Variants in TRMT11 observed in about 807,000 individuals in gnomAD.
The protein encoded by TRMT11 is tRNA (guanine(10)-N(2))-methyltransferase TRMT11.
A neutral mutation model predicts 62.8 loss-of-function variants in TRMT11; 53 were observed. The observed-to-expected ratio is 0.84, with a 90% CI of 0.68 to 1.06. TRMT11 has a LOEUF of 1.06. Ranked by LOEUF, TRMT11 falls within the 50% of genes least tolerant of loss-of-function variation. The pLI is 0.00. For missense variants in TRMT11, 556 were observed against 553.4 expected (o/e 1.00, Z -0.05); for synonymous variants, 188 against 190.3 (o/e 0.99, Z 0.10).
At chr6:126,112,005 G>C (rs539275173) in intron 17 of TRMT11, among the ~76,000 whole-genome samples, 2 of 152,052 alleles carry the variant, frequency 1.3e-5, no homozygotes, top group African/African-American at 4.8e-5. Context: ...CTCCATTTCT[G>C]TCTCTTCTAA....
chr6:126,068,712 C>T (rs1010511028), intron 17 of TRMT11, among the ~76,000 whole-genome samples: 1 of 152,196 alleles, frequency 6.6e-6, no homozygotes, highest in East Asian at 1.9e-4. Context: ...CCTTTTCATT[C>T]AAGAGCGTAT....
the TRMT11 span, among the ~76,000 whole-genome samples, chr6:126,241,290 G>A: frequency 1.3e-5 from 2 of 152,118 alleles, no homozygotes; most frequent in Non-Finnish European, 2.9e-5. Context: ...TGTCGCTCAC[G>A]CTGGGAGCTG....
chr6:126,221,673 A>T, the TRMT11 span, among the ~76,000 whole-genome samples: 2 of 152,184 alleles, frequency 1.3e-5, no homozygotes, highest in East Asian at 3.8e-4. Context: ...ATAGTTTGCA[A>T]GTATTTTCTC....
intron 1 of TRMT11, among the ~76,000 whole-genome samples, chr6:125,991,840 AT>A (rs1790684805): frequency 6.6e-6 from 1 of 152,216 alleles, no homozygotes; most frequent in East Asian, 1.9e-4. Flanking sequence ...TGTAGTACTT[AT>A]TGTACTAAAT....
At chr6:126,002,419 T>TTA (rs964585738) in intron 7 of TRMT11, among the ~76,000 whole-genome samples, 5 of 152,140 alleles carry the variant, frequency 3.3e-5, no homozygotes, top group Non-Finnish European at 7.4e-5. Flanking sequence ...ATCAACACAT[T>TTA]TACTCTTTTC....
rs530414394 is a variant in TRMT11, at chr6:126,155,408, A to G, written c.*1824-19417A>G. Reference sequence around the variant, plus strand: ...TTTAACATGAGATCTGGAGGGGACAAACATCCAAACTATATCATTCTGCCT... The same window carrying G: ...TTTAACATGAGATCTGGAGGGGACAGACATCCAAACTATATCATTCTGCCT... On this transcript the variant is annotated intron_variant and NMD_transcript_variant, in intron 21 of 22. Transcript: ENST00000648977. Among the ~76,000 whole-genome samples the G allele has an allele frequency of 1.7e-3, 254 of 152,282 alleles. 3 individuals are homozygous for G. The highest frequency in any genetic ancestry group is 2.3e-3 in the Non-Finnish European group (159 of 68,010).
chr6:126,203,919 TTGTGTG>T (rs71680476), downstream of TRMT11, among the ~76,000 whole-genome samples: 24 of 144,490 alleles, frequency 1.7e-4, no homozygotes, highest in African/African-American at 3.3e-4. Flanking sequence ...GATCATCATT[TTGTGTG>T]TGTGTGTGTG....
rs185587270 is a variant in TRMT11 at position 126,112,385 on chromosome 6, T to C, written c.*1438-481T>C. ...TCAACTGTTTGGATCTTTGGATCCA[T>C]AAATTATTTCTGTCTTTTCTTTTTT... On this transcript the variant is annotated intron_variant and NMD_transcript_variant, in intron 17 of 22. Transcript: ENST00000648977. 3.7e-3 allele frequency among the ~76,000 whole-genome samples: 563 copies of C among 152,290 alleles called. 3 individuals are homozygous for C. Among genetic ancestry groups the C allele is most frequent in the Middle Eastern group, 0.014 (4 of 294 alleles).
chr6:126,100,484 A>G (rs1426649619), intron 17 of TRMT11, among the ~76,000 whole-genome samples: 1 of 152,232 alleles, frequency 6.6e-6, no homozygotes, highest in Non-Finnish European at 1.5e-5. Context: ...TGCATGTGAC[A>G]GAAACCCGAC....
chr6:126,000,027 T>G (rs994080682), intron 7 of TRMT11, among the ~76,000 whole-genome samples: 1 of 152,206 alleles, frequency 6.6e-6, no homozygotes, highest in African/African-American at 2.4e-5. Flanking sequence ...AATTCATAAC[T>G]GTATATGTGG....
the TRMT11 span, among the ~76,000 whole-genome samples, chr6:126,264,183 T>A: frequency 3.3e-5 from 5 of 152,270 alleles, no homozygotes; most frequent in South Asian, 1.0e-3. Context: ...GCATGGAGAG[T>A]AAACAGGAGT....
intron 12 of TRMT11, among the ~76,000 whole-genome samples, chr6:126,036,286 T>C (rs528707206): frequency 1.3e-5 from 2 of 152,248 alleles, no homozygotes; most frequent in South Asian, 2.1e-4. Flanking sequence ...CTGAGAATTA[T>C]GGACAATTTG....
intron 11 of TRMT11, among the ~76,000 whole-genome samples, chr6:126,020,188 C>G (rs1206687561): frequency 6.6e-6 from 1 of 152,168 alleles, no homozygotes; most frequent in Non-Finnish European, 1.5e-5. Context: ...TAATCAGCAC[C>G]TTTGCTATTT....
the TRMT11 span, among the ~76,000 whole-genome samples, chr6:126,261,115 C>G: frequency 3.9e-5 from 6 of 152,092 alleles, no homozygotes; most frequent in South Asian, 6.2e-4. Flanking sequence ...TTTTTAAATT[C>G]TCTTCTATTC....
At chr6:126,209,257 T>TATGATTAGTGTCATCATA in the TRMT11 span, among the ~76,000 whole-genome samples, 1 of 152,200 alleles carries the variant, frequency 6.6e-6, no homozygotes, top group Non-Finnish European at 1.5e-5. Flanking sequence ...GCAAAGTCAT[T>TATGATTAGTGTCATCATA]ATGATTAGTG....
At chr6:126,258,031 T>C in the TRMT11 span, 1 of 1,431,140 alleles carries the variant, frequency 7.0e-7, no homozygotes, top group Non-Finnish European at 9.8e-7. Context: ...TCCTCGACCC[T>C]GGCAGCCTGG....
chr6:126,168,730 G>A (rs1778296393), intron 21 of TRMT11, among the ~76,000 whole-genome samples: 1 of 152,092 alleles, frequency 6.6e-6, no homozygotes, highest in South Asian at 2.1e-4. Flanking sequence ...TGTTGGCCAG[G>A]CTGGTCTCAA....
At chr6:126,120,888 T>A (rs939675695) in intron 21 of TRMT11, among the ~76,000 whole-genome samples, 2 of 152,168 alleles carry the variant, frequency 1.3e-5, no homozygotes, top group Non-Finnish European at 2.9e-5. Context: ...ACTTCTTCCC[T>A]AAGTTTGGTT....
intron 16 of TRMT11, among the ~76,000 whole-genome samples, chr6:126,044,801 A>G (rs750752960): frequency 5.3e-5 from 8 of 152,134 alleles, no homozygotes; most frequent in Non-Finnish European, 1.0e-4. Flanking sequence ...TCTTCTTTCT[A>G]ATACAACCTA....
Sources: gnomAD v4.1 joint callset for allele counts (sites outside exome capture counted in the v4.1 genomes callset) on GRCh38, gnomAD v4.1.1 for gene constraint, MANE v1.5 for transcripts, NCBI Gene and HGNC (gene_info 2026-07-23, HGNC 2026-07-21) for gene names.